EYS: variants seen among roughly 807,000 people sequenced by gnomAD.
The protein encoded by EYS is protein eyes shut homolog.
EYS carries 250 observed loss-of-function variants against 282.1 expected under a neutral mutation model. That is an observed-to-expected ratio of 0.89 (90% CI 0.80 to 0.98). The LOEUF (loss-of-function observed/expected upper bound fraction) is 0.98. Among genes scored for constraint, EYS ranks in the 50% least tolerant of loss-of-function variants. EYS has a pLI of 0.00. For missense variants in EYS, 4,016 were observed against 3,709.0 expected (o/e 1.08, Z -2.15); for synonymous variants, 1,355 against 1,282.9 (o/e 1.06, Z -1.20).
intron 19 of EYS, among the ~76,000 whole-genome samples, chr6:64,831,754 G>T (rs946615985): frequency 6.6e-5 from 10 of 151,868 alleles, no homozygotes; most frequent in Non-Finnish European, 1.5e-4. Flanking sequence ...ACAGTTTATT[G>T]TAAAAGTTAT....
At chr6:63,851,910 C>T (rs1249124174) in intron 36 of EYS, among the ~76,000 whole-genome samples, 2 of 152,120 alleles carry the variant, frequency 1.3e-5, no homozygotes, top group Non-Finnish European at 2.9e-5. Flanking sequence ...GTAATCCCAG[C>T]ACTTTGGGAG....
chr6:63,888,325 C>G (rs1040628943), intron 35 of EYS, among the ~76,000 whole-genome samples: 1 of 152,216 alleles, frequency 6.6e-6, no homozygotes, highest in South Asian at 2.1e-4. Flanking sequence ...GGTCCTTGAC[C>G]CCTGTGCCTC....
intron 8 of EYS, among the ~76,000 whole-genome samples, chr6:65,356,330 G>A (rs922276810): frequency 1.3e-5 from 2 of 151,924 alleles, no homozygotes; most frequent in African/African-American, 4.8e-5. Flanking sequence ...GAGGAAGTTG[G>A]ATCAAGGATA....
At chr6:65,139,636 G>A (rs1764274975) in intron 12 of EYS, among the ~76,000 whole-genome samples, 1 of 152,030 alleles carries the variant, frequency 6.6e-6, no homozygotes, top group African/African-American at 2.4e-5. Flanking sequence ...TTCAAATGTT[G>A]AGTGGGAAAC....
chr6:64,313,154 C>T (rs1355772193), intron 29 of EYS, among the ~76,000 whole-genome samples: 4 of 152,162 alleles, frequency 2.6e-5, no homozygotes, highest in South Asian at 2.1e-4. Context: ...AAACGAATTG[C>T]TAACTAGAAT....
chr6:64,357,292 A>G (rs1293966512), intron 29 of EYS, among the ~76,000 whole-genome samples: 1 of 149,042 alleles, frequency 6.7e-6, no homozygotes, highest in African/African-American at 2.5e-5. Context: ...CATAAAGTAA[A>G]CAATAACAAC....
intron 22 of EYS, among the ~76,000 whole-genome samples, chr6:64,801,542 G>C (rs1399076071): frequency 5.9e-5 from 7 of 119,234 alleles, no homozygotes; most frequent in African/African-American, 1.7e-4. Context: ...ATATACTCTG[G>C]GTTGATGATA....
intron 40 of EYS, 164 bp downstream of exon 40, chr6:63,777,842 G>C: frequency 1.6e-6 from 1 of 639,564 alleles, no homozygotes. Flanking sequence ...CCTATTTTTA[G>C]TTGCCTTCAC....
chr6:65,088,657 G>C (rs1465592325), intron 12 of EYS, among the ~76,000 whole-genome samples: 1 of 152,136 alleles, frequency 6.6e-6, no homozygotes, highest in African/African-American at 2.4e-5. Flanking sequence ...CATTTTCTGG[G>C]GAGAAATTCA....
At chr6:64,941,057 A>C (rs1011781438) in intron 15 of EYS, among the ~76,000 whole-genome samples, 2 of 152,064 alleles carry the variant, frequency 1.3e-5, no homozygotes, top group Non-Finnish European at 2.9e-5. Flanking sequence ...AAGAGATGCA[A>C]TGTATGCCAA....
chr6:65,071,478 C>T (rs894017635), intron 12 of EYS, among the ~76,000 whole-genome samples: 1 of 151,522 alleles, frequency 6.6e-6, no homozygotes, highest in Non-Finnish European at 1.5e-5. Context: ...TCTGTGAATG[C>T]CCATCTAATA....
At chr6:65,323,248 ACT>A (rs1421126848) in intron 11 of EYS, among the ~76,000 whole-genome samples, 6 of 144,046 alleles carry the variant, frequency 4.2e-5, no homozygotes, top group African/African-American at 1.6e-4. Context: ...TATAAATAAG[ACT>A]CTCATGATTC....
chr6:65,216,552 T>A (rs1562027872), intron 12 of EYS, among the ~76,000 whole-genome samples: 1 of 151,948 alleles, frequency 6.6e-6, no homozygotes, highest in Non-Finnish European at 1.5e-5. Flanking sequence ...ACTAGTTTGC[T>A]ATTGTGGTTA....
intron 31 of EYS, among the ~76,000 whole-genome samples, chr6:64,088,245 C>T (rs1772227164): frequency 6.6e-6 from 1 of 152,034 alleles, no homozygotes. Context: ...TATTTGAACA[C>T]ACTCCAAATT....
chr6:64,333,612 G>A (rs1306897646), intron 29 of EYS, among the ~76,000 whole-genome samples: 1 of 152,116 alleles, frequency 6.6e-6, no homozygotes, highest in Non-Finnish European at 1.5e-5. Context: ...TGCCTTTCTG[G>A]ACTAAAATGG....
At chr6:64,100,569 G>GT (rs530086017) in intron 31 of EYS, among the ~76,000 whole-genome samples, 8 of 151,728 alleles carry the variant, frequency 5.3e-5, no homozygotes, top group African/African-American at 1.2e-4. Context: ...TTATTATGTG[G>GT]TTTTTTTATT....
intron 14 of EYS, among the ~76,000 whole-genome samples, chr6:64,953,151 G>T (rs187335641): frequency 4.0e-5 from 6 of 151,780 alleles, no homozygotes; most frequent in Admixed American, 3.3e-4. Context: ...AACTTGGATT[G>T]CTTCCATTTT....
At chr6:64,415,366 T>TG (rs1774027270) in intron 28 of EYS, among the ~76,000 whole-genome samples, 1 of 152,210 alleles carries the variant, frequency 6.6e-6, no homozygotes, top group African/African-American at 2.4e-5. Context: ...CTGCTTTTTG[T>TG]GATGCTCTAA....
chr6:63,725,146 G>A (rs1768562614), intron 42 of EYS, among the ~76,000 whole-genome samples: 1 of 152,008 alleles, frequency 6.6e-6, no homozygotes, highest in Admixed American at 6.6e-5. Context: ...TCTTATATAA[G>A]TGTCAAATGC....
Sources: gnomAD v4.1 joint callset for allele counts (sites outside exome capture counted in the v4.1 genomes callset) on GRCh38, gnomAD v4.1.1 for gene constraint, MANE v1.5 for transcripts, NCBI Gene and HGNC (gene_info 2026-07-23, HGNC 2026-07-21) for gene names.